The following KBTBD7 variants were observed in gnomAD, a reference collection of about 807,000 sequenced individuals.
The protein encoded by KBTBD7 is kelch repeat and BTB domain containing 7.
KBTBD7 carries 25 observed loss-of-function variants against 50.3 expected under a neutral mutation model. The ratio of observed to expected loss-of-function variants is 0.50; its 90% CI spans 0.36 to 0.69. KBTBD7 has a LOEUF of 0.69. Among genes scored for constraint, KBTBD7 ranks in the 30% least tolerant of loss-of-function variants. The pLI is 0.00. For synonymous variants in KBTBD7, 305 were observed against 325.3 expected (o/e 0.94, Z 0.67); for missense variants, 653 against 869.5 (o/e 0.75, Z 3.13).
In KBTBD7 at chr13:41,193,896, G is replaced by T; in HGVS notation, c.362C>A (p.Ser121Tyr). The T allele has an allele frequency of 1.2e-6, 2 of 1,614,172 alleles. No individual in the cohort carries two copies. Among genetic ancestry groups the T allele is most frequent in the Non-Finnish European group, 1.7e-6 (2 of 1,180,008 alleles). Reference sequence around the variant, plus strand: ...GCAGTAGTCGACCAACACCTCGAAGGACTCGGCGTCCACATCGTGCATGGT... The same window carrying T: ...GCAGTAGTCGACCAACACCTCGAAGTACTCGGCGTCCACATCGTGCATGGT... ...SVTMHDVDAESFEVLVDYCYT... is the reference protein window; with the variant it reads ...SVTMHDVDAEYFEVLVDYCYT... Residue 121 changes from serine (S) to tyrosine (Y), a missense_variant, in exon 1 of 1, where the codon TCC (serine) becomes TAC (tyrosine). By Grantham distance (144) the Ser-to-Tyr change is moderately radical (BLOSUM62 -2). Around this residue, in one of 3 missense-constraint regions of KBTBD7, gnomAD observed 526 missense variants for 717.1 expected, o/e 0.73. Coordinates refer to ENST00000379483, the MANE Select transcript of KBTBD7 (RefSeq NM_032138.7). The surrounding 1 kb of genome is among the most constrained non-coding windows in gnomAD (Gnocchi z 5.7).
rs768606304 is a variant in KBTBD7, at chr13:41,192,402, TAA to T, written c.1854_1855del (p.Tyr619SerfsTer5). ...CTGACCAGGTTCAAGGCAGGAAGGA[TAA>T]ACACGAGCACAAAGGCAAATAAAGC... On this transcript the variant is annotated frameshift_variant, in exon 1 of 1. Coordinates refer to ENST00000379483, the MANE Select transcript of KBTBD7 (RefSeq NM_032138.7). LOFTEE classifies it high-confidence loss of function. 1 of 1,614,152 alleles carries T rather than the reference TAA, an allele frequency of 6.2e-7. No individual in the cohort carries two copies. Among genetic ancestry groups the T allele is most frequent in the Non-Finnish European group, 8.5e-7 (1 of 1,180,032 alleles).
In KBTBD7 at chr13:41,192,234, C is replaced by G. The variant is rs887220184; in HGVS notation, c.2024G>C (p.Arg675Pro). 6.2e-7 allele frequency: 1 copy of G among 1,613,782 alleles called. No homozygotes were observed. Among genetic ancestry groups the G allele is most frequent in the Admixed American group, 1.7e-5 (1 of 59,974 alleles). The change falls in exon 1 of 1, where the codon CGA becomes CCA. Residue 675 changes from arginine to proline, a missense_variant. Physicochemically the swap from Arg to Pro is moderately radical, Grantham distance 103. Around this residue, in one of 3 missense-constraint regions of KBTBD7, gnomAD observed 526 missense variants for 717.1 expected, o/e 0.73. Coordinates refer to ENST00000379483, the MANE Select transcript of KBTBD7 (RefSeq NM_032138.7). ...AGAACCCTGCTGATCCTGTGCATTT[C>G]GCTGAGGTGCTACTTGCACCCAGAC... ...DEVWVQVAPQ[R>P]NAQDQQGSL
rs2031387419 is a variant in KBTBD7, at chr13:41,191,555, T to A, written c.*648A>T. 7.0e-6 allele frequency: 1 copy of A among 143,714 alleles called. No homozygotes were observed. Among genetic ancestry groups the A allele is most frequent in the South Asian group, 2.2e-4 (1 of 4,592 alleles). The allele number at this position is 143,714 out of a possible 1,614,324, so 8.9% of individuals were successfully genotyped here. A position where few individuals can be genotyped will look rare whatever the true frequency, so the allele number is the denominator to read the frequency against. On this transcript the variant is annotated 3_prime_UTR_variant, in exon 1 of 1. Coordinates refer to ENST00000379483, the MANE Select transcript of KBTBD7 (RefSeq NM_032138.7). ...AACAGTGGAATCCTGATTTTTTCTT[T>A]TTTTTTTTTTTTTTTTTTACTTTCT...
Position 41,192,937 on chromosome 13 carries a change from C to A in KBTBD7, c.1321G>T (p.Gly441Trp). 1 of 1,614,174 alleles carries A rather than the reference C, an allele frequency of 6.2e-7. No individual in the cohort carries two copies. Among genetic ancestry groups the A allele is most frequent in the Admixed American group, 1.7e-5 (1 of 60,014 alleles). ...AYLNGYIYIL[G>W]GRDPITGVKL... is the part of the protein sequence containing the mutation. ...ACTCCAGTAATAGGGTCTCGTCCCC[C>A]CAAAATGTAGATGTAGCCATTGAGA... Residue 441 changes from glycine to tryptophan, a missense_variant, in exon 1 of 1, where the codon GGG becomes TGG. Physicochemically the swap from Gly to Trp is radical, Grantham distance 184. Around this residue, in one of 3 missense-constraint regions of KBTBD7, gnomAD observed 526 missense variants for 717.1 expected, o/e 0.73. Coordinates refer to ENST00000379483, the MANE Select transcript of KBTBD7 (RefSeq NM_032138.7).
Position 41,192,488 on chromosome 13 carries a change from A to C in KBTBD7, c.1770T>G (p.Thr590=). 6.2e-7 allele frequency: 1 copy of C among 1,614,236 alleles called. No individual in the cohort carries two copies. ...KNRVTVYEYD[T]REDQWINIGT... ...CTATATTAATCCACTGATCTTCCCT[A>C]GTATCATACTCATACACTGTCACTC... Residue 590 remains threonine, a synonymous_variant, in exon 1 of 1, where the codon ACT becomes ACG. Transcript: ENST00000379483.
At position 41,194,333 on chromosome 13, in the gene KBTBD7, G is replaced by A; in HGVS notation, c.-76C>T. 6.5e-7 allele frequency: 1 copy of A among 1,542,988 alleles called. No individual in the cohort carries two copies. Among genetic ancestry groups the A allele is most frequent in the Non-Finnish European group, 8.7e-7 (1 of 1,143,882 alleles). On this transcript the variant is annotated 5_prime_UTR_variant, in exon 1 of 1. Coordinates refer to ENST00000379483, the MANE Select transcript of KBTBD7 (RefSeq NM_032138.7). ...TCTGGCTCCTCCTCAACCTTCCCTCGCTGACGCTAAGACAAGCCGCGTCCT... is the reference window on the plus strand; with the variant it reads ...TCTGGCTCCTCCTCAACCTTCCCTCACTGACGCTAAGACAAGCCGCGTCCT...
Position 41,192,408 on chromosome 13 carries a change from C to G in KBTBD7, c.1850G>C (p.Arg617Pro). ...FDSGFICLCA[R>P]VYPSCLEPGQ... ...AGGTTCAAGGCAGGAAGGATAAACA[C>G]GAGCACAAAGGCAAATAAAGCCAGA... Residue 617 changes from arginine to proline, a missense_variant, in exon 1 of 1, where the codon CGT (arginine) becomes CCT (proline). Coordinates refer to ENST00000379483, the MANE Select transcript of KBTBD7 (RefSeq NM_032138.7). 1.2e-6 allele frequency: 2 copies of G among 1,614,190 alleles called. No individual in the cohort carries two copies. The highest frequency in any genetic ancestry group is 1.7e-6 in the Non-Finnish European group (2 of 1,180,040).
chr13:41,194,355 T>C lies in KBTBD7; in HGVS notation c.-98A>G. On this transcript the variant is annotated 5_prime_UTR_variant, in exon 1 of 1. Coordinates refer to ENST00000379483, the MANE Select transcript of KBTBD7 (RefSeq NM_032138.7). ...CTCGCTGACGCTAAGACAAGCCGCG[T>C]CCTGGAACAGACTGCGGCACGGGCC... is the stretch of plus-strand genomic sequence containing the variant. The C allele has an allele frequency of 2.0e-6, 3 of 1,477,710 alleles. No homozygotes were observed. Among genetic ancestry groups the C allele is most frequent in the Non-Finnish European group, 2.7e-6 (3 of 1,100,948 alleles). 91.5% of individuals were successfully genotyped at this position (1,477,710 alleles called of 1,614,324 possible).
chr13:41,193,196 A>G lies in KBTBD7; in HGVS notation c.1062T>C (p.Asp354=). 1 of 1,614,038 alleles carries G rather than the reference A, an allele frequency of 6.2e-7. No individual in the cohort carries two copies. The highest frequency in any genetic ancestry group is 8.5e-7 in the Non-Finnish European group (1 of 1,179,988). ...AGTAAGGGTCATAGCAGAGAAAGGGATCTCTAGGATGTCCAAAGAAGATCA... is the reference window on the plus strand; with the variant it reads ...AGTAAGGGTCATAGCAGAGAAAGGGGTCTCTAGGATGTCCAAAGAAGATCA... ...EMVIFFGHPR[D]PFLCYDPYSG... is the part of the protein sequence containing the mutation. The change falls in exon 1 of 1, where the codon GAT becomes GAC. Residue 354 remains aspartate (D), a synonymous_variant. Transcript: ENST00000379483. This position sits in a 1 kb window ranked among gnomAD's most constrained non-coding sequence, Gnocchi z 5.7.
Position 41,192,513 on chromosome 13 carries a change from C to T in KBTBD7, c.1745G>A (p.Arg582Gln), listed in dbSNP as rs772795656. 9 of 1,614,168 alleles carry T rather than the reference C, an allele frequency of 5.6e-6. No individual in the cohort carries two copies. Among genetic ancestry groups the T allele is most frequent in the Admixed American group, 1.7e-5 (1 of 60,024 alleles). ...AGTATCATACTCATACACTGTCACT[C>T]GGTTCTTTTTCCATTGTGGGGTTGT... ...TSTTPQWKKN[R>Q]VTVYEYDTRE... Residue 582 changes from arginine to glutamine, a missense_variant, in exon 1 of 1, where the codon CGA becomes CAA. Arg to Gln is a conservative substitution (Grantham distance 43). This residue lies in a region of KBTBD7 where 526 missense variants were observed against 717.1 expected (regional missense o/e 0.73). Coordinates refer to ENST00000379483, the MANE Select transcript of KBTBD7 (RefSeq NM_032138.7).
Position 41,192,293 on chromosome 13 carries a change from C to T in KBTBD7, c.1965G>A (p.Glu655=). ...DLDGFSELDS[E]SGSSSSFSDD... ...CTGAAAAAGAACTTGAACTTCCTGA[C>T]TCAGAGTCCAGCTCACTGAATCCAT... Residue 655 remains glutamate (E), a synonymous_variant, in exon 1 of 1, where the codon GAG becomes GAA. Transcript: ENST00000379483. 1.9e-6 allele frequency: 3 copies of T among 1,614,194 alleles called. No homozygotes were observed. The highest frequency in any genetic ancestry group is 2.5e-6 in the Non-Finnish European group (3 of 1,180,022).
At position 41,191,440 on chromosome 13, in the gene KBTBD7, T is replaced by A. The variant is rs1284262387; in HGVS notation, c.*763A>T. On this transcript the variant is annotated 3_prime_UTR_variant, in exon 1 of 1. Transcript: ENST00000379483. ...AAGGGTGTTTAATTCATGACATTACTAAGAATGGGTGTTTTTTGGGATAGA... is the reference window on the plus strand; with the variant it reads ...AAGGGTGTTTAATTCATGACATTACAAAGAATGGGTGTTTTTTGGGATAGA... 8 of 149,014 alleles carry A rather than the reference T, an allele frequency of 5.4e-5. No homozygotes were observed. The highest frequency in any genetic ancestry group is 2.0e-4 in the African/African-American group (8 of 40,942). The allele number at this position is 149,014 out of a possible 1,614,324, so 9.2% of individuals were successfully genotyped here.
At position 41,193,364 on chromosome 13, in the gene KBTBD7, G is replaced by A; in HGVS notation, c.894C>T (p.Ala298=). The change falls in exon 1 of 1, where the codon GCC becomes GCT. Residue 298 remains alanine (A), a synonymous_variant. Coordinates refer to ENST00000379483, the MANE Select transcript of KBTBD7 (RefSeq NM_032138.7). The surrounding 1 kb of genome is among the most constrained non-coding windows in gnomAD (Gnocchi z 5.7). ...KKYCLDVIEG[A]LQMRYGDLLY... is the part of the protein sequence containing the mutation. ...ACAGGTCACCATAGCGCATCTGCAG[G>A]GCCCCTTCAATAACGTCCAGGCAGT... 1 of 1,612,050 alleles carries A rather than the reference G, an allele frequency of 6.2e-7. No homozygotes were observed. The highest frequency in any genetic ancestry group is 1.1e-5 in the South Asian group (1 of 91,010).
In KBTBD7 at chr13:41,191,135, T is replaced by C. The variant is rs557867859; in HGVS notation, c.*1068A>G. 6.6e-6 allele frequency: 1 copy of C among 152,314 alleles called. No homozygotes were observed. The highest frequency in any genetic ancestry group is 2.4e-5 in the African/African-American group (1 of 41,576). 9.4% of individuals were successfully genotyped at this position (152,314 alleles called of 1,614,324 possible). On this transcript the variant is annotated 3_prime_UTR_variant, in exon 1 of 1. Transcript: ENST00000379483. ...TGAGTAAAATACTGTTTTTAGCTTATACATATGTTCTAAACCATATTACCT... is the reference window on the plus strand; with the variant it reads ...TGAGTAAAATACTGTTTTTAGCTTACACATATGTTCTAAACCATATTACCT...
chr13:41,192,856 C>G lies in KBTBD7; in HGVS notation c.1402G>C (p.Ala468Pro), dbSNP rs2031426845. 6.2e-7 allele frequency: 1 copy of G among 1,614,092 alleles called. No individual in the cohort carries two copies. The highest frequency in any genetic ancestry group is 8.5e-7 in the Non-Finnish European group (1 of 1,180,034). Residue 468 changes from alanine (A) to proline (P), a missense_variant, in exon 1 of 1, where the codon GCT becomes CCT. This residue lies in a region of KBTBD7 where 526 missense variants were observed against 717.1 expected (regional missense o/e 0.73). Coordinates refer to ENST00000379483, the MANE Select transcript of KBTBD7 (RefSeq NM_032138.7). ...SVQRNQWALV[A>P]PVPHSFYSFE... is the part of the protein sequence containing the mutation. ...GAATAGAAGGAATGAGGGACAGGAG[C>G]CACCAATGCCCACTGGTTTCTCTGA...
rs1352181367 is a variant in KBTBD7 at position 41,190,085 on chromosome 13, G to A, written c.*2118C>T. 2 of 152,154 alleles carry A rather than the reference G, an allele frequency of 1.3e-5. No individual in the cohort carries two copies. The highest frequency in any genetic ancestry group is 1.9e-4 in the East Asian group (1 of 5,198). The allele number at this position is 152,154 out of a possible 1,614,324, so 9.4% of individuals were successfully genotyped here. ...TTTACCAGTTGCATACCTTAATTCT[G>A]CAGATGGATAATCTGGTTGAGATAA... On this transcript the variant is annotated 3_prime_UTR_variant, in exon 1 of 1. Transcript: ENST00000379483.
In KBTBD7 at chr13:41,191,390, G is replaced by T. The variant is rs1364466754; in HGVS notation, c.*813C>A. 1.5e-4 allele frequency: 20 copies of T among 131,320 alleles called. No homozygotes were observed. The highest frequency in any genetic ancestry group is 4.5e-4 in the East Asian group (2 of 4,478). 8.1% of individuals were successfully genotyped at this position (131,320 alleles called of 1,614,324 possible). The stretch of plus-strand genomic sequence containing the variant: ...ACACAAACATAAAAAGCAAGTTACC[G>T]TTTTTTTTTTTTTTTTTGGTTTAGA... On this transcript the variant is annotated 3_prime_UTR_variant, in exon 1 of 1. Coordinates refer to ENST00000379483, the MANE Select transcript of KBTBD7 (RefSeq NM_032138.7).
chr13:41,193,999 T>G lies in KBTBD7; in HGVS notation c.259A>C (p.Asn87His). 6.2e-7 allele frequency: 1 copy of G among 1,614,168 alleles called. No individual in the cohort carries two copies. The highest frequency in any genetic ancestry group is 1.1e-5 in the South Asian group (1 of 91,078). Residue 87 changes from asparagine (N) to histidine (H), a missense_variant, in exon 1 of 1, where the codon AAC (asparagine) becomes CAC (histidine). Transcript: ENST00000379483. The surrounding 1 kb of genome is among the most constrained non-coding windows in gnomAD (Gnocchi z 5.7). ...TAGGGACACGCAGCTGCTAGCACGT[T>G]GCGATTGCAGGAAAAGAGGCGACCC... ...GTGRLFSCNR[N>H]VLAAACPYFK...
At position 41,191,850 on chromosome 13, in the gene KBTBD7, A is replaced by AAC. The variant is rs2031397122; in HGVS notation, c.*352_*353insGT. 9 of 175,246 alleles carry AAC rather than the reference A, an allele frequency of 5.1e-5. No homozygotes were observed. In the Admixed American group the frequency reaches 5.2e-4, roughly 10 times the overall value. The allele number at this position is 175,246 out of a possible 1,614,324, so 10.9% of individuals were successfully genotyped here. On this transcript the variant is annotated 3_prime_UTR_variant, in exon 1 of 1. Transcript: ENST00000379483. Reference sequence around the variant, plus strand: ...ATCAAAAAGTTAAATTCCTTGTGGCACTAACCAAAACTTAAAAATTAACAG... The same window carrying AAC: ...ATCAAAAAGTTAAATTCCTTGTGGCAACCTAACCAAAACTTAAAAATTAACAG...
Sources: allele counts gnomAD v4.1 joint callset, GRCh38; gene constraint gnomAD v4.1.1; regional missense constraint gnomAD v4.1.1; non-coding constraint Gnocchi (gnomAD v3.1); transcripts MANE v1.5; gene names NCBI Gene and HGNC (gene_info 2026-07-23, HGNC 2026-07-21).